The following VAV2 variants were observed in gnomAD, a reference collection of about 807,000 sequenced individuals.
VAV2 encodes the protein guanine nucleotide exchange factor VAV2.
Under a neutral mutation model 132.5 loss-of-function variants are expected in VAV2, and 67 were observed. The observed-to-expected ratio is 0.51, with a 90% CI of 0.42 to 0.62. VAV2 has a LOEUF of 0.62. Among genes scored for constraint, VAV2 ranks in the 20% least tolerant of loss-of-function variants. VAV2 has a pLI of 0.00. For synonymous variants in VAV2, 492 were observed against 443.5 expected (o/e 1.11, Z -1.37); for missense variants, 938 against 1,153.6 (o/e 0.81, Z 2.71).
rs147256993 is a variant in VAV2, at chr9:133,889,675, T to A, written c.322-28243A>T. The stretch of plus-strand genomic sequence containing the variant: ...AGCACCTGCTTCCTCAGCGACCGAG[T>A]GCGTCATGAAATCCCAGGAAACTCC... On this transcript the variant is annotated intron_variant, in intron 2 of 29. Transcript: ENST00000371850. Among the ~76,000 whole-genome samples, 417 of 152,130 alleles carry A rather than the reference T, an allele frequency of 2.7e-3. 1 individual carries two copies. The highest frequency in any genetic ancestry group is 9.5e-3 in the African/African-American group (396 of 41,484).
intron 1 of VAV2, among the ~76,000 whole-genome samples, chr9:133,957,427 T>TA (rs769438292): frequency 6.6e-5 from 10 of 152,152 alleles, no homozygotes; most frequent in Non-Finnish European, 1.3e-4. Flanking sequence ...AGGGGTTTTT[T>TA]ATGTGTGTGT....
intron 1 of VAV2, among the ~76,000 whole-genome samples, chr9:133,954,271 T>A (rs1007158529): frequency 6.6e-6 from 1 of 152,164 alleles, no homozygotes; most frequent in Non-Finnish European, 1.5e-5. Context: ...TGCCCATCTG[T>A]CCATCCGCCC....
At chr9:133,777,538 C>T in intron 22 of VAV2, 75 bp from the exon 23 acceptor site, 1 of 1,423,586 alleles carries the variant, frequency 7.0e-7, no homozygotes, top group South Asian at 1.2e-5. Flanking sequence ...TTTAGACGGA[C>T]TCAGCGTATG....
intron 1 of VAV2, among the ~76,000 whole-genome samples, chr9:133,955,250 C>T (rs576323036): frequency 1.1e-4 from 16 of 151,962 alleles, no homozygotes; most frequent in Non-Finnish European, 2.1e-4. Flanking sequence ...GGGGACCCCA[C>T]AGGGAGCAAC....
chr9:133,987,283 C>T (rs571196601), intron 1 of VAV2, among the ~76,000 whole-genome samples: 4 of 151,698 alleles, frequency 2.6e-5, no homozygotes, highest in South Asian at 2.1e-4. Context: ...TTTCATTACA[C>T]GAGGCCAGAG....
At position 133,837,361 on chromosome 9, in the gene VAV2, A is replaced by G. The variant is rs557799439; in HGVS notation, c.381-3021T>C. Among the ~76,000 whole-genome samples the G allele has an allele frequency of 2.6e-5, 4 of 152,364 alleles. No homozygotes were observed. In the South Asian group the frequency reaches 8.3e-4, roughly 32 times the overall value. ...TTTGGAATCTTGTTTCCTAACACAG[A>G]AAGTGAGTGCCCACTAAAATAAGGC... On this transcript the variant is annotated intron_variant, in intron 3 of 29. Coordinates refer to ENST00000371850, the MANE Select transcript of VAV2 (RefSeq NM_001134398.2).
At chr9:133,988,466 G>A (rs533762960) in intron 1 of VAV2, among the ~76,000 whole-genome samples, 13 of 152,210 alleles carry the variant, frequency 8.5e-5, no homozygotes, top group South Asian at 2.1e-4. Context: ...CAAGCTCTCC[G>A]GAACCTTGAC....
Position 133,976,485 on chromosome 9 carries a change from G to A in VAV2, c.204+15590C>T, listed in dbSNP as rs549384242. Among the ~76,000 whole-genome samples the A allele has an allele frequency of 8.3e-4, 127 of 152,274 alleles. 1 individual carries two copies. Among genetic ancestry groups the A allele is most frequent in the Non-Finnish European group, 1.6e-3 (111 of 68,004 alleles). ...CTAGTAAGAAGATGGGCTCTGCCTC[G>A]GGGTTGCAGTTGATGAAACGAGGCC... On this transcript the variant is annotated intron_variant, in intron 1 of 29. Coordinates refer to ENST00000371850, the MANE Select transcript of VAV2 (RefSeq NM_001134398.2).
chr9:133,913,866 C>G (rs894572328), intron 2 of VAV2, among the ~76,000 whole-genome samples: 3 of 152,202 alleles, frequency 2.0e-5, no homozygotes, highest in African/African-American at 7.2e-5. Context: ...AAAGGAGGAG[C>G]AGGAGGTGGA....
chr9:133,946,650 G>A (rs557327), intron 1 of VAV2, among the ~76,000 whole-genome samples: 57,186 of 152,186 alleles, frequency 0.38, 11,060 homozygotes, highest in Non-Finnish European at 0.42. Context: ...GACTCCCTGG[G>A]GCCACAATGC....
At chr9:133,821,064 C>A (rs1564378441) in intron 4 of VAV2, among the ~76,000 whole-genome samples, 2 of 152,260 alleles carry the variant, frequency 1.3e-5, no homozygotes, top group South Asian at 4.1e-4. Flanking sequence ...GGCCCTGCCA[C>A]GTCTGCAAGT....
At chr9:133,816,447 T>A (rs1438151232) in intron 4 of VAV2, among the ~76,000 whole-genome samples, 1 of 152,280 alleles carries the variant, frequency 6.6e-6, no homozygotes, top group Non-Finnish European at 1.5e-5. Flanking sequence ...CGGAACTTCA[T>A]AGTTTTAGCC....
intron 9 of VAV2, among the ~76,000 whole-genome samples, chr9:133,800,673 T>C (rs573232406): frequency 2.0e-5 from 3 of 152,316 alleles, no homozygotes; most frequent in Non-Finnish European, 4.4e-5. Context: ...GCAGCTCTAG[T>C]GTGGCCAAAC....
At chr9:133,864,661 T>A (rs899989824) in intron 2 of VAV2, among the ~76,000 whole-genome samples, 4 of 152,232 alleles carry the variant, frequency 2.6e-5, no homozygotes, top group African/African-American at 9.6e-5. Flanking sequence ...TCTGCATTTA[T>A]AGTTCAGGGC....
chr9:133,866,321 G>A (rs1274390138), intron 2 of VAV2, among the ~76,000 whole-genome samples: 1 of 152,200 alleles, frequency 6.6e-6, no homozygotes, highest in Non-Finnish European at 1.5e-5. Context: ...GGGGGGAGGG[G>A]AGGAGCCCAC....
At chr9:133,902,525 A>C (rs1839484282) in intron 2 of VAV2, among the ~76,000 whole-genome samples, 1 of 152,188 alleles carries the variant, frequency 6.6e-6, no homozygotes, top group Non-Finnish European at 1.5e-5. Flanking sequence ...GGGTATCCAG[A>C]GGCCAGGGGT....
intron 2 of VAV2, among the ~76,000 whole-genome samples, chr9:133,900,004 G>C (rs1266429351): frequency 6.8e-6 from 1 of 147,128 alleles, no homozygotes; most frequent in Non-Finnish European, 1.5e-5. Flanking sequence ...CTGGGCGACA[G>C]AGCAAGACTC....
intron 3 of VAV2, among the ~76,000 whole-genome samples, chr9:133,847,373 C>T (rs1836975857): frequency 6.6e-6 from 1 of 152,232 alleles, no homozygotes. Flanking sequence ...GCAGCCCCAC[C>T]TCCGGGAGGG....
At chr9:133,938,779 A>G (rs2810528) in intron 2 of VAV2, among the ~76,000 whole-genome samples, 135,548 of 152,102 alleles carry the variant, frequency 0.89, 60,966 homozygotes, top group East Asian at 0.98. Context: ...AATGCTCAGC[A>G]TCCCCTGGCT....
Sources: gnomAD v4.1 joint callset for allele counts (sites outside exome capture counted in the v4.1 genomes callset) on GRCh38, gnomAD v4.1.1 for gene constraint, MANE v1.5 for transcripts, NCBI Gene and HGNC (gene_info 2026-07-23, HGNC 2026-07-21) for gene names.